RERE: variants seen among roughly 807,000 people sequenced by gnomAD.
RERE encodes the protein arginine-glutamic acid dipeptide repeats, also known as arginine-glutamic acid dipeptide repeats protein.
RERE carries 40 observed loss-of-function variants against 146.1 expected under a neutral mutation model. The observed-to-expected ratio is 0.27, with a 90% CI of 0.21 to 0.36. The LOEUF (loss-of-function observed/expected upper bound fraction) is 0.36, where lower values mean the gene tolerates loss of function less well. Among genes scored for constraint, RERE ranks in the 10% least tolerant of loss-of-function variants. The pLI, the probability that RERE is intolerant of heterozygous loss-of-function variation, is 1.00. For missense variants in RERE, 1,933 were observed against 2,138.7 expected, an observed-to-expected ratio of 0.90 and a Z score of 1.90; for synonymous variants, 1,003 against 866.0, an observed-to-expected ratio of 1.16 and a Z score of -2.78.
At chr1:8,357,956 C>T (rs764381987) in intron 20 of RERE, among the ~76,000 whole-genome samples, 2 of 152,264 alleles carry the variant, frequency 1.3e-5, no homozygotes, top group Non-Finnish European at 2.9e-5. Context: ...AGAACCCAGG[C>T]TTCACCCGTG....
intron 10 of RERE, among the ~76,000 whole-genome samples, chr1:8,472,716 A>G (rs1644704268): frequency 6.6e-6 from 1 of 152,234 alleles, no homozygotes; most frequent in Non-Finnish European, 1.5e-5. Flanking sequence ...ATCTTGACTC[A>G]GTGAGCTTAC....
chr1:8,746,740 G>A (rs1640428098), intron 1 of RERE, among the ~76,000 whole-genome samples: 2 of 150,984 alleles, frequency 1.3e-5, no homozygotes, highest in African/African-American at 4.9e-5. Context: ...GAGGACACCT[G>A]GCAGATAAGA....
rs768264978 is a variant in RERE, at chr1:8,771,909, CA to C, written c.-145+45250del. On this transcript the variant is annotated intron_variant, in intron 1 of 22. Transcript: ENST00000400908. ...TGGGTGACAGAGTGAGACTCTGTCT[CA>C]AAAAAAAAAAAAAAAAAAAGAAAGA... Among the ~76,000 whole-genome samples, 131 of 59,460 alleles carry C rather than the reference CA, an allele frequency of 2.2e-3. No homozygotes were observed. In the Middle Eastern group the frequency reaches 0.043, roughly 20 times the overall value. The allele number at this position is 59,460 out of a possible 152,430, so 39.0% of individuals were successfully genotyped here.
chr1:8,633,640 T>C (rs147364019), intron 2 of RERE, among the ~76,000 whole-genome samples: 2 of 151,916 alleles, frequency 1.3e-5, no homozygotes, highest in Non-Finnish European at 2.9e-5. Flanking sequence ...TAAAAGAAAC[T>C]TATTGGCTGC....
In RERE at chr1:8,627,534, G is replaced by A. The variant is rs534543005; in HGVS notation, c.326-3154C>T. On this transcript the variant is annotated intron_variant, in intron 2 of 22. Coordinates refer to ENST00000400908, the MANE Select transcript of RERE (RefSeq NM_001042681.2). The stretch of plus-strand genomic sequence containing the variant: ...GGAGGATTGCTTGAACCCAGGAGGC[G>A]GAGATAGCAGTGAGCCGAGATCACG... Among the ~76,000 whole-genome samples, 11 of 150,730 alleles carry A rather than the reference G, an allele frequency of 7.3e-5. No individual in the cohort carries two copies. In the South Asian group the frequency reaches 8.5e-4, roughly 12 times the overall value.
chr1:8,497,278 A>G (rs1645058204), intron 9 of RERE, 127 bp downstream of exon 9: 2 of 972,358 alleles, frequency 2.1e-6, no homozygotes, highest in Admixed American at 2.6e-5. Context: ...CAGAGGGTGT[A>G]ACCAAACTTA....
intron 1 of RERE, among the ~76,000 whole-genome samples, chr1:8,763,403 C>T (rs557763532): frequency 1.1e-3 from 164 of 152,260 alleles, no homozygotes; most frequent in Admixed American, 1.9e-3. Flanking sequence ...GAGACTGAGG[C>T]GCATGGATCA....
At chr1:8,377,818 C>T (rs911412368) in intron 12 of RERE, among the ~76,000 whole-genome samples, 3 of 151,994 alleles carry the variant, frequency 2.0e-5, no homozygotes, top group African/African-American at 4.8e-5. Flanking sequence ...TGCCGCAGGA[C>T]GTTTGAAAGG....
At chr1:8,631,928 TTCAC>T (rs1396273359) in intron 2 of RERE, among the ~76,000 whole-genome samples, 11 of 152,208 alleles carry the variant, frequency 7.2e-5, no homozygotes, top group Admixed American at 7.2e-4. Flanking sequence ...ACTTCCAGGC[TTCAC>T]TCACTCTTTC....
At chr1:8,435,331 C>T (rs1644155177) in intron 11 of RERE, among the ~76,000 whole-genome samples, 1 of 152,198 alleles carries the variant, frequency 6.6e-6, no homozygotes, top group Non-Finnish European at 1.5e-5. Context: ...CCTAGAACAG[C>T]ACTTGACAAC....
At chr1:8,798,453 C>G (rs1641523066) in intron 1 of RERE, 1 of 194,206 alleles carries the variant, frequency 5.1e-6, no homozygotes, top group Non-Finnish European at 1.1e-5. Context: ...TGCTGTAGGC[C>G]TGGGTGGCTG....
chr1:8,377,643 G>A (rs192736646), intron 12 of RERE, among the ~76,000 whole-genome samples: 1 of 152,048 alleles, frequency 6.6e-6, no homozygotes, highest in Non-Finnish European at 1.5e-5. Flanking sequence ...TCTCTATCTC[G>A]TAAACATTTT....
chr1:8,735,630 C>T (rs930478299), intron 1 of RERE, among the ~76,000 whole-genome samples: 1 of 152,090 alleles, frequency 6.6e-6, no homozygotes, highest in Non-Finnish European at 1.5e-5. Flanking sequence ...AATTGTAATC[C>T]CCAGTGTTGG....
At chr1:8,366,916 C>CAAAAAAAAAAAAAAA (rs5772317) in intron 12 of RERE, among the ~76,000 whole-genome samples, 38 of 107,666 alleles carry the variant, frequency 3.5e-4, no homozygotes, top group Non-Finnish European at 4.9e-4. Flanking sequence ...AAAAAAAAAA[C>CAAAAAAAAAAAAAAA]AAAAAAAAAA....
At position 8,656,355 on chromosome 1, in the gene RERE, A is replaced by C. The variant is rs964784141; in HGVS notation, c.-58T>G. 3.3e-6 allele frequency: 5 copies of C among 1,533,858 alleles called. No individual in the cohort carries two copies. Among genetic ancestry groups the C allele is most frequent in the East Asian group, 2.3e-5 (1 of 44,286 alleles). On this transcript the variant is annotated 5_prime_UTR_variant, in exon 2 of 23. Coordinates refer to ENST00000400908, the MANE Select transcript of RERE (RefSeq NM_001042681.2). ...GGCTAGGCCTCCGTGAAAGGTAGAC[A>C]GTAAGCCTGGGCTTCAGTCTTCTGA...
intron 1 of RERE, among the ~76,000 whole-genome samples, chr1:8,774,347 A>ATTT (rs34859762): frequency 0.19 from 17,388 of 92,908 alleles, 2,319 homozygotes; most frequent in Non-Finnish European, 0.25. Flanking sequence ...TTGGCAAACT[A>ATTT]TTTTTTTTTT....
chr1:8,357,497 G>A (rs1322123266), intron 20 of RERE, among the ~76,000 whole-genome samples: 1 of 152,302 alleles, frequency 6.6e-6, no homozygotes, highest in South Asian at 2.1e-4. Context: ...AGCCCTGCAC[G>A]TAGGCTGTCC....
chr1:8,359,912 G>A lies in RERE; in HGVS notation c.3470C>T (p.Ser1157Phe). ...TDLYFMPLAG[S>F]KLAKKREEAI... ...CTCCTCCCTCTTCTTGGCCAGCTTG[G>A]ACCCGGCCAGAGGCATGAAGTACAG... The change falls in exon 19 of 23, where the codon TCC (serine) becomes TTC (phenylalanine). Residue 1157 changes from serine to phenylalanine, a missense_variant. Physicochemically the swap from Ser to Phe is radical, Grantham distance 155. Coordinates refer to ENST00000400908, the MANE Select transcript of RERE (RefSeq NM_001042681.2). 1.9e-6 allele frequency: 3 copies of A among 1,613,294 alleles called. No homozygotes were observed. The highest frequency in any genetic ancestry group is 2.5e-6 in the Non-Finnish European group (3 of 1,180,012).
intron 1 of RERE, among the ~76,000 whole-genome samples, chr1:8,816,805 C>G (rs1464294606): frequency 6.6e-6 from 1 of 152,146 alleles, no homozygotes; most frequent in African/African-American, 2.4e-5. Flanking sequence ...CCGAAATCCA[C>G]AAACATTCAA....
Sources: allele counts gnomAD v4.1 joint callset (sites outside exome capture counted in the v4.1 genomes callset), GRCh38; gene constraint gnomAD v4.1.1; transcripts MANE v1.5; gene names NCBI Gene and HGNC (gene_info 2026-07-23, HGNC 2026-07-21).